GLIS3: variants seen among roughly 807,000 people sequenced by gnomAD.
GLIS3 encodes the protein zinc finger protein GLIS3.
GLIS3 carries 53 observed loss-of-function variants against 78.6 expected under a neutral mutation model. That is an observed-to-expected ratio of 0.67 (90% CI 0.54 to 0.85). GLIS3 has a LOEUF of 0.85. Ranked by LOEUF, GLIS3 falls within the 40% of genes least tolerant of loss-of-function variation. GLIS3 has a pLI of 0.00. For synonymous variants in GLIS3, 684 were observed against 509.9 expected (o/e 1.34, Z -4.60); for missense variants, 1,703 against 1,231.1 (o/e 1.38, Z -5.74).
upstream of GLIS3, among the ~76,000 whole-genome samples, chr9:4,349,902 G>A (rs914288602): frequency 7.9e-5 from 12 of 152,210 alleles, no homozygotes; most frequent in African/African-American, 2.9e-4. Context: ...AGAAATCGAT[G>A]AATCTTCTGT....
chr9:4,019,512 T>G (rs1822702844), intron 4 of GLIS3, among the ~76,000 whole-genome samples: 1 of 152,082 alleles, frequency 6.6e-6, no homozygotes, highest in Non-Finnish European at 1.5e-5. Context: ...GCACTGTCAG[T>G]GAACAATGCA....
chr9:4,118,765 G>C lies in GLIS3; in HGVS notation c.713C>G (p.Ser238Cys), dbSNP rs1268419910. 3 of 1,613,280 alleles carry C rather than the reference G, an allele frequency of 1.9e-6. No homozygotes were observed. The highest frequency in any genetic ancestry group is 1.1e-5 in the South Asian group (1 of 91,076). The change falls in exon 4 of 11, where the codon TCC (serine) becomes TGC (cysteine). Residue 238 changes from serine (S) to cysteine (C), a missense_variant. By Grantham distance (112) the Ser-to-Cys change is moderately radical. Coordinates refer to ENST00000381971, the MANE Select transcript of GLIS3 (RefSeq NM_001042413.2). This position sits in a 1 kb window ranked among gnomAD's most constrained non-coding sequence, Gnocchi z 4.7. The part of the protein sequence containing the change: ...SQGYRALPSL[S>C]NHGSQNGLDL... ...AAGGCCATTCTGAGAGCCGTGGTTGGAGAGCGAAGGGAGGGCCCTGTAGCC... is the reference window on the plus strand; with the variant it reads ...AAGGCCATTCTGAGAGCCGTGGTTGCAGAGCGAAGGGAGGGCCCTGTAGCC...
chr9:4,297,720 C>G (rs1018454243), intron 1 of GLIS3, among the ~76,000 whole-genome samples: 3 of 152,144 alleles, frequency 2.0e-5, no homozygotes, highest in African/African-American at 7.2e-5. Context: ...GAGGGCCAAG[C>G]GGATACCGGG....
At chr9:4,029,843 G>A (rs566427770) in intron 4 of GLIS3, among the ~76,000 whole-genome samples, 5 of 152,232 alleles carry the variant, frequency 3.3e-5, no homozygotes, top group South Asian at 2.1e-4. Context: ...CCATTCATCC[G>A]TTGATGGACA....
intron 4 of GLIS3, among the ~76,000 whole-genome samples, chr9:4,033,555 T>C (rs1219045518): frequency 2.6e-5 from 4 of 152,110 alleles, no homozygotes; most frequent in African/African-American, 4.8e-5. Context: ...CCTTCAAAGC[T>C]ACGCTCCTTA....
chr9:3,857,876 G>A (rs1282660582), intron 8 of GLIS3, among the ~76,000 whole-genome samples: 1 of 152,124 alleles, frequency 6.6e-6, no homozygotes, highest in African/African-American at 2.4e-5. Context: ...ATTTTCTGGG[G>A]GAACGTGTTT....
intron 4 of GLIS3, among the ~76,000 whole-genome samples, chr9:4,021,858 G>A (rs1017378560): frequency 3.3e-5 from 5 of 152,072 alleles, no homozygotes; most frequent in African/African-American, 9.7e-5. Context: ...TCAGTTTATC[G>A]GGCACAACAT....
chr9:3,915,532 T>G (rs1824452331), intron 6 of GLIS3, among the ~76,000 whole-genome samples: 2 of 152,176 alleles, frequency 1.3e-5, no homozygotes, highest in African/African-American at 4.8e-5. Flanking sequence ...GAGGACTGGA[T>G]AATATTTTTC....
chr9:3,829,976 G>A (rs1426049478), intron 9 of GLIS3, among the ~76,000 whole-genome samples: 4 of 152,174 alleles, frequency 2.6e-5, no homozygotes, highest in Non-Finnish European at 5.9e-5. Flanking sequence ...AGAAATACAT[G>A]CACATTTAGA....
chr9:4,417,664 G>A, the GLIS3 span, among the ~76,000 whole-genome samples: 108,572 of 152,052 alleles, frequency 0.71, 38,954 homozygotes, highest in South Asian at 0.78. Flanking sequence ...GGTCAAAAAA[G>A]TGTGCATTTT....
chr9:4,093,126 C>G (rs763848883), intron 4 of GLIS3, among the ~76,000 whole-genome samples: 3 of 152,100 alleles, frequency 2.0e-5, no homozygotes, highest in African/African-American at 4.8e-5. Flanking sequence ...TCCTCATTTA[C>G]AGATGAGAAA....
chr9:3,994,169 C>T (rs1820554538), intron 4 of GLIS3, among the ~76,000 whole-genome samples: 2 of 152,180 alleles, frequency 1.3e-5, no homozygotes, highest in South Asian at 2.1e-4. Flanking sequence ...GGTTTCTCTT[C>T]GGATCATATA....
At chr9:4,410,767 C>A in the GLIS3 span, among the ~76,000 whole-genome samples, 1 of 152,176 alleles carries the variant, frequency 6.6e-6, no homozygotes, top group Non-Finnish European at 1.5e-5. Context: ...AAATTTAGCT[C>A]ATATTTAACT....
At chr9:4,190,366 C>G (rs1449569486) in intron 2 of GLIS3, among the ~76,000 whole-genome samples, 1 of 151,878 alleles carries the variant, frequency 6.6e-6, no homozygotes, top group Non-Finnish European at 1.5e-5. Flanking sequence ...AGTCAAGGCT[C>G]GAGAACTACG....
intron 6 of GLIS3, among the ~76,000 whole-genome samples, chr9:3,929,394 T>A (rs1421841479): frequency 6.6e-6 from 1 of 152,168 alleles, no homozygotes; most frequent in Non-Finnish European, 1.5e-5. Flanking sequence ...TAGCTGGGAT[T>A]TCAGGTTTTT....
chr9:4,215,752 A>G (rs141272942), intron 2 of GLIS3, among the ~76,000 whole-genome samples: 59 of 152,302 alleles, frequency 3.9e-4, no homozygotes, highest in African/African-American at 1.4e-3. Flanking sequence ...GTTTCCTCAT[A>G]ACATTGTGGT....
the GLIS3 span, among the ~76,000 whole-genome samples, chr9:4,434,100 A>C: frequency 1.3e-5 from 2 of 151,694 alleles, no homozygotes; most frequent in Admixed American, 6.6e-5. Flanking sequence ...GTCTCAAAAA[A>C]AAAAAAAAAA....
At chr9:3,907,605 AACACACACACACACACACAGACACACAC>A (rs1272623152) in intron 6 of GLIS3, among the ~76,000 whole-genome samples, 11 of 92,256 alleles carry the variant, frequency 1.2e-4, no homozygotes, top group Non-Finnish European at 2.2e-4. Context: ...CCACCCCCCA[AACACACACACACACACACAGACACACAC>A]ACACACACAC....
At chr9:4,473,829 A>G in the GLIS3 span, among the ~76,000 whole-genome samples, 3,922 of 152,300 alleles carry the variant, frequency 0.026, 72 homozygotes, top group Non-Finnish European at 0.041. Context: ...TGCTATTTAC[A>G]ATCATATCAA....
Sources: allele counts gnomAD v4.1 joint callset (sites outside exome capture counted in the v4.1 genomes callset), GRCh38; gene constraint gnomAD v4.1.1; non-coding constraint Gnocchi (gnomAD v3.1); transcripts MANE v1.5; gene names NCBI Gene and HGNC (gene_info 2026-07-23, HGNC 2026-07-21).